SCN9A: variants seen among roughly 807,000 people sequenced by gnomAD.
SCN9A encodes the protein sodium voltage-gated channel alpha subunit 9, also known as sodium channel protein type 9 subunit alpha.
A neutral mutation model predicts 187.0 loss-of-function variants in SCN9A; 131 were observed. The ratio of observed to expected loss-of-function variants is 0.70; its 90% CI spans 0.61 to 0.81. SCN9A has a LOEUF of 0.81. Ranked by LOEUF, SCN9A falls within the 30% of genes least tolerant of loss-of-function variation. The probability of loss-of-function intolerance (pLI) is 0.00; values close to 1 mark genes in which losing one functional copy is unlikely to be tolerated. For missense variants in SCN9A, 2,252 were observed against 2,396.6 expected, an observed-to-expected ratio of 0.94 and a Z score of 1.26; for synonymous variants, 809 against 808.6, an observed-to-expected ratio of 1.00 and a Z score of -0.01.
At chr2:166,285,532 A>G (rs1241908813) in intron 11 of SCN9A, among the ~76,000 whole-genome samples, 1 of 152,176 alleles carries the variant, frequency 6.6e-6, no homozygotes, top group Non-Finnish European at 1.5e-5. Context: ...TGCTCCTGTC[A>G]TATTTATTTT....
At chr2:166,258,375 T>C (rs189318428) in intron 17 of SCN9A, among the ~76,000 whole-genome samples, 18 of 151,582 alleles carry the variant, frequency 1.2e-4, no homozygotes. Context: ...CTGATCTGAT[T>C]ATGTATATAA....
intron 17 of SCN9A, among the ~76,000 whole-genome samples, chr2:166,262,599 T>C (rs760634849): frequency 3.3e-5 from 5 of 151,964 alleles, no homozygotes; most frequent in Non-Finnish European, 7.4e-5. Context: ...AAAACAATTA[T>C]ACTACTACTC....
intron 1 of SCN9A, among the ~76,000 whole-genome samples, chr2:166,370,473 G>A (rs1010983999): frequency 4.0e-5 from 6 of 151,286 alleles, no homozygotes; most frequent in Admixed American, 2.6e-4. Context: ...AACCCAGGAC[G>A]CGGAGCTTGC....
chr2:166,198,511 C>T lies in SCN9A; in HGVS notation c.*161G>A. On this transcript the variant is annotated 3_prime_UTR_variant, in exon 27 of 27. Coordinates refer to ENST00000642356, the MANE Select transcript of SCN9A (RefSeq NM_001365536.1). ...TCATCAGTGCAAAAATAACCATCTG[C>T]TAATGCTGCCCACCTTTCTTAGGAA... 1.7e-6 allele frequency: 1 copy of T among 598,296 alleles called. No homozygotes were observed. Among genetic ancestry groups the T allele is most frequent in the Admixed American group, 3.1e-5 (1 of 32,522 alleles). 37.1% of individuals were successfully genotyped at this position (598,296 alleles called of 1,614,324 possible). A position where few individuals can be genotyped will look rare whatever the true frequency, so the allele number is the denominator to read the frequency against.
chr2:166,299,018 T>G (rs1015132580), intron 7 of SCN9A, among the ~76,000 whole-genome samples: 1 of 152,228 alleles, frequency 6.6e-6, no homozygotes, highest in Admixed American at 6.5e-5. Context: ...CCATTGGGTT[T>G]GAACTCAATC....
chr2:166,234,730 G>C (rs945922700), intron 20 of SCN9A, among the ~76,000 whole-genome samples: 14 of 151,926 alleles, frequency 9.2e-5, no homozygotes, highest in African/African-American at 3.4e-4. Context: ...AAATATGTAT[G>C]CTCCCTCTTT....
chr2:166,364,393 C>T (rs1423835905), intron 1 of SCN9A, among the ~76,000 whole-genome samples: 1 of 152,082 alleles, frequency 6.6e-6, no homozygotes, highest in Non-Finnish European at 1.5e-5. Flanking sequence ...TTCATAGCAG[C>T]ACTAATCACA....
chr2:166,347,264 C>A (rs972031562), intron 1 of SCN9A, among the ~76,000 whole-genome samples: 3 of 152,042 alleles, frequency 2.0e-5, no homozygotes, highest in Admixed American at 6.6e-5. Flanking sequence ...TTTGAGTATT[C>A]TGTTGTTTCC....
At chr2:166,368,919 G>T (rs976889671) in intron 1 of SCN9A, among the ~76,000 whole-genome samples, 1 of 149,568 alleles carries the variant, frequency 6.7e-6, no homozygotes, top group East Asian at 2.0e-4. Context: ...CCTGGGAGGC[G>T]GAAGTTGCAG....
chr2:166,286,055 T>G (rs1697725305), intron 11 of SCN9A, among the ~76,000 whole-genome samples: 1 of 152,192 alleles, frequency 6.6e-6, no homozygotes, highest in East Asian at 1.9e-4. Flanking sequence ...AATGGTCTCT[T>G]TATTTCTACA....
At chr2:166,336,693 A>T (rs184169321) in intron 1 of SCN9A, among the ~76,000 whole-genome samples, 1 of 152,062 alleles carries the variant, frequency 6.6e-6, no homozygotes, top group African/African-American at 2.4e-5. Flanking sequence ...TTTTAGTTCT[A>T]TATCTTCTGA....
chr2:166,277,891 T>C, intron 15 of SCN9A: 2 of 359,188 alleles, frequency 5.6e-6, no homozygotes, highest in Middle Eastern at 7.5e-4. Flanking sequence ...ACTATATTAA[T>C]AGAAAATATT....
chr2:166,260,511 G>A (rs374363941), intron 17 of SCN9A, among the ~76,000 whole-genome samples: 1 of 151,822 alleles, frequency 6.6e-6, no homozygotes, highest in African/African-American at 2.4e-5. Flanking sequence ...GTCCTGTTAC[G>A]GATTGTGCTT....
At chr2:166,311,329 CCTATATATATATATATAT>C (rs1341863318) in intron 2 of SCN9A, among the ~76,000 whole-genome samples, 152 bp downstream of exon 2, 4,125 of 47,922 alleles carry the variant, frequency 0.086, 563 homozygotes, top group Middle Eastern at 0.16. Context: ...TTCTGAATAT[CCTATATATATATATATAT>C]ATATATATAT....
intron 1 of SCN9A, among the ~76,000 whole-genome samples, chr2:166,353,442 G>A (rs1258761115): frequency 6.6e-6 from 1 of 151,924 alleles, no homozygotes; most frequent in Non-Finnish European, 1.5e-5. Context: ...CATGTCTTTG[G>A]TCTGTCATAG....
At position 166,233,466 on chromosome 2, in the gene SCN9A, TAA is replaced by T. The variant is rs1245902208; in HGVS notation, c.3802-6_3802-5del. 3.8e-6 allele frequency: 6 copies of T among 1,559,004 alleles called. No homozygotes were observed. Among genetic ancestry groups the T allele is most frequent in the Non-Finnish European group, 5.2e-6 (6 of 1,162,254 alleles). On this transcript the variant is annotated splice_polypyrimidine_tract_variant and splice_region_variant and intron_variant, in intron 20 of 26. Transcript: ENST00000642356. ...CCACTAAAGTAACCAAAGAAACCTATAAAAATAACATTTTCATTAATTGTGTC... is the reference window on the plus strand; with the variant it reads ...CCACTAAAGTAACCAAAGAAACCTATAAATAACATTTTCATTAATTGTGTC...
intron 1 of SCN9A, among the ~76,000 whole-genome samples, chr2:166,353,696 A>G (rs1700092019): frequency 6.6e-6 from 1 of 152,154 alleles, no homozygotes; most frequent in Non-Finnish European, 1.5e-5. Flanking sequence ...TCCCTCAAAT[A>G]TAAATTCAAC....
At chr2:166,286,687 A>T in intron 10 of SCN9A, 64 bp from the exon 11 acceptor site, 6 of 1,292,766 alleles carry the variant, frequency 4.6e-6, no homozygotes, top group Non-Finnish European at 6.1e-6. Flanking sequence ...ACCCTAGGAC[A>T]GGACATCTTT....
Position 166,277,112 on chromosome 2 carries a change from G to A in SCN9A, c.2745C>T (p.His915=). 6.2e-7 allele frequency: 1 copy of A among 1,614,012 alleles called. No individual in the cohort carries two copies. The highest frequency in any genetic ancestry group is 2.2e-5 in the East Asian group (1 of 44,854). The part of the protein sequence containing the change: ...LPRWHMNDFF[H]SFLIVFRVLC... ...GCACGCGGAACACAATCAGGAAGGA[G>A]TGGAAGAAGTCGTTCATGTGCCACC... The change falls in exon 16 of 27, where the codon CAC becomes CAT. Residue 915 remains histidine (H), a synonymous_variant. Coordinates refer to ENST00000642356, the MANE Select transcript of SCN9A (RefSeq NM_001365536.1).
Sources: allele counts gnomAD v4.1 joint callset (sites outside exome capture counted in the v4.1 genomes callset), GRCh38; gene constraint gnomAD v4.1.1; transcripts MANE v1.5; gene names NCBI Gene and HGNC (gene_info 2026-07-23, HGNC 2026-07-21).